Variants in DPY19L4 observed in about 807,000 individuals in gnomAD.
The protein encoded by DPY19L4 is probable C-mannosyltransferase DPY19L4.
Under a neutral mutation model 102.8 loss-of-function variants are expected in DPY19L4, and 97 were observed. The ratio of observed to expected loss-of-function variants is 0.94; its 90% CI spans 0.80 to 1.12. The LOEUF is 1.12. Ranked by LOEUF, DPY19L4 falls within the 50% of genes most tolerant of loss-of-function variation. The pLI, the probability that DPY19L4 is intolerant of heterozygous loss-of-function variation, is 0.00. For missense variants in DPY19L4, 815 were observed against 850.4 expected (o/e 0.96, Z 0.52); for synonymous variants, 252 against 283.1 (o/e 0.89, Z 1.10).
At chr8:94,747,960 A>G (rs1274889907) in intron 6 of DPY19L4, among the ~76,000 whole-genome samples, 1 of 152,214 alleles carries the variant, frequency 6.6e-6, no homozygotes, top group Non-Finnish European at 1.5e-5. Flanking sequence ...GTGGACTCCA[A>G]AATTGATCTA....
chr8:94,757,568 C>G (rs1377693203), intron 7 of DPY19L4, among the ~76,000 whole-genome samples: 1 of 152,076 alleles, frequency 6.6e-6, no homozygotes, highest in Non-Finnish European at 1.5e-5. Context: ...CAGCACCACA[C>G]CCAGCTAATT....
intron 6 of DPY19L4, among the ~76,000 whole-genome samples, chr8:94,755,783 G>A (rs1471081889): frequency 6.6e-6 from 1 of 152,132 alleles, no homozygotes; most frequent in Non-Finnish European, 1.5e-5. Flanking sequence ...TACGCAGGAG[G>A]CTGAGGCAGG....
At chr8:94,775,363 G>A (rs950380098) in intron 13 of DPY19L4, among the ~76,000 whole-genome samples, 3 of 152,132 alleles carry the variant, frequency 2.0e-5, no homozygotes, top group African/African-American at 7.2e-5. Context: ...TTAGAGATGG[G>A]GTTTCACCTT....
At chr8:94,726,582 A>C in intron 2 of DPY19L4, 141 bp downstream of exon 2, 3 of 597,888 alleles carry the variant, frequency 5.0e-6, no homozygotes, top group Non-Finnish European at 2.8e-6. Context: ...CAACCCCCAA[A>C]TCTCACTGGC....
In DPY19L4 at chr8:94,734,619, T is replaced by C; in HGVS notation, c.128-11T>C. Reference sequence around the variant, plus strand: ...TATTACCTTTTCATTACTTTTAATATACTTTTTCAGATGTATTATTTCAAC... The same window carrying C: ...TATTACCTTTTCATTACTTTTAATACACTTTTTCAGATGTATTATTTCAAC... On this transcript the variant is annotated splice_polypyrimidine_tract_variant and intron_variant, in intron 2 of 18. Transcript: ENST00000414645. The C allele has an allele frequency of 6.2e-7, 1 of 1,608,142 alleles. No individual in the cohort carries two copies. The highest frequency in any genetic ancestry group is 8.5e-7 in the Non-Finnish European group (1 of 1,176,348).
At chr8:94,767,126 A>G (rs1812710533) in intron 11 of DPY19L4, among the ~76,000 whole-genome samples, 2 of 151,858 alleles carry the variant, frequency 1.3e-5, no homozygotes, top group Non-Finnish European at 2.9e-5. Context: ...AAATTTTAAC[A>G]TTTTGTTCTA....
intron 12 of DPY19L4, among the ~76,000 whole-genome samples, chr8:94,769,713 T>A (rs992574569): frequency 4.0e-5 from 6 of 151,874 alleles, no homozygotes; most frequent in African/African-American, 1.5e-4. Flanking sequence ...AAAAAAGCTA[T>A]AAAGTTTGAC....
At position 94,793,367 on chromosome 8, in the gene DPY19L4, T is replaced by C. The variant is rs1026430686; in HGVS notation, c.*3457T>C. 1 of 152,240 alleles carries C rather than the reference T, an allele frequency of 6.6e-6. No individual in the cohort carries two copies. The highest frequency in any genetic ancestry group is 2.4e-5 in the African/African-American group (1 of 41,464). The allele number at this position is 152,240 out of a possible 1,614,324, so 9.4% of individuals were successfully genotyped here. ...TTGAACTGTTAAAAAATTTTGATGC[T>C]TTTCGTGGATAAAAGTAGTGCCTCT... On this transcript the variant is annotated 3_prime_UTR_variant, in exon 19 of 19. Coordinates refer to ENST00000414645, the MANE Select transcript of DPY19L4 (RefSeq NM_181787.3).
Position 94,787,979 on chromosome 8 carries a change from A to T in DPY19L4, c.1934A>T (p.Asp645Val). ...AAAGCTAATTACCTAATTGTAGAGG[A>T]TGCTATCTGCAATGAGGTGGGACCC... ...SYKANYLIVE[D>V]AICNEVGPMR... The change falls in exon 18 of 19, where the codon GAT becomes GTT. Residue 645 changes from aspartate (D) to valine (V), a missense_variant. By Grantham distance (152) the Asp-to-Val change is radical. Transcript: ENST00000414645. 2 of 1,523,346 alleles carry T rather than the reference A, an allele frequency of 1.3e-6. No individual in the cohort carries two copies. The highest frequency in any genetic ancestry group is 2.6e-5 in the South Asian group (2 of 76,098). The allele number at this position is 1,523,346 out of a possible 1,614,324, so 94.4% of individuals were successfully genotyped here.
At chr8:94,751,369 C>G (rs1811921698) in intron 6 of DPY19L4, among the ~76,000 whole-genome samples, 1 of 152,140 alleles carries the variant, frequency 6.6e-6, no homozygotes. Context: ...CCACCCGCCT[C>G]AGCCTCCCAA....
chr8:94,743,962 T>A (rs34179463), intron 6 of DPY19L4, among the ~76,000 whole-genome samples: 27,750 of 151,630 alleles, frequency 0.18, 3,264 homozygotes, highest in African/African-American at 0.34. Flanking sequence ...ACTGAGATCA[T>A]GCCACTGCAC....
At chr8:94,742,851 C>G (rs566867419) in intron 6 of DPY19L4, among the ~76,000 whole-genome samples, 66 of 151,500 alleles carry the variant, frequency 4.4e-4, no homozygotes, top group African/African-American at 1.6e-3. Flanking sequence ...AGCCACCGCG[C>G]CCGGCCAATG....
At chr8:94,788,093 A>AT in intron 18 of DPY19L4, 41 bp downstream of exon 18, 197 of 1,060,956 alleles carry the variant, frequency 1.9e-4, no homozygotes, top group Non-Finnish European at 2.2e-4. Flanking sequence ...GTATATATAT[A>AT]TATTTTTTTT....
chr8:94,773,921 G>C (rs912654601), intron 13 of DPY19L4, among the ~76,000 whole-genome samples: 1 of 146,860 alleles, frequency 6.8e-6, no homozygotes, highest in African/African-American at 2.5e-5. Flanking sequence ...TGTGGTCCCA[G>C]CCACTATGGA....
chr8:94,728,538 A>G (rs1810790965), intron 2 of DPY19L4, among the ~76,000 whole-genome samples: 1 of 152,210 alleles, frequency 6.6e-6, no homozygotes, highest in Non-Finnish European at 1.5e-5. Context: ...GTTGAGGCCT[A>G]TATATAAATT....
chr8:94,741,933 T>C (rs978661810), intron 6 of DPY19L4, among the ~76,000 whole-genome samples: 2 of 152,198 alleles, frequency 1.3e-5, no homozygotes, highest in Non-Finnish European at 2.9e-5. Flanking sequence ...GACAAGATGA[T>C]TTTTTGTTAT....
intron 16 of DPY19L4, among the ~76,000 whole-genome samples, chr8:94,782,597 A>G (rs1164332849): frequency 6.6e-6 from 1 of 152,142 alleles, no homozygotes; most frequent in African/African-American, 2.4e-5. Context: ...AACATGAAAA[A>G]GTGATGAAAT....
At chr8:94,740,466 T>G (rs1211194563) in intron 6 of DPY19L4, among the ~76,000 whole-genome samples, 1 of 152,090 alleles carries the variant, frequency 6.6e-6, no homozygotes, top group Admixed American at 6.6e-5. Context: ...TTGTTTTTCA[T>G]TTTTTTGAGA....
intron 18 of DPY19L4, 43 bp downstream of exon 18, chr8:94,788,095 A>ATATATATT: frequency 1.0e-6 from 1 of 971,368 alleles, no homozygotes. Flanking sequence ...ATATATATAT[A>ATATATATT]TTTTTTTTTT....
Sources: allele counts gnomAD v4.1 joint callset (sites outside exome capture counted in the v4.1 genomes callset), GRCh38; gene constraint gnomAD v4.1.1; transcripts MANE v1.5; gene names NCBI Gene and HGNC (gene_info 2026-07-23, HGNC 2026-07-21).